Variants in GARIN5A observed in about 807,000 individuals in gnomAD.
GARIN5A encodes Golgi-associated RAB2 interactor protein 5A.
the GARIN5A span, chr19:50,476,486 C>T: frequency 1.0e-5 from 16 of 1,573,340 alleles, no homozygotes; most frequent in Non-Finnish European, 1.4e-5. Context: ...CTGTTCCTCC[C>T]GGCGTGCTCC....
the GARIN5A span, among the ~76,000 whole-genome samples, chr19:50,472,134 ATATGTATGTATACG>A: frequency 7.3e-6 from 1 of 137,144 alleles, no homozygotes; most frequent in African/African-American, 3.0e-5. Context: ...ATACGTGTGT[ATATGTATGTATACG>A]TGTGTATATG....
At chr19:50,475,934 C>G in the GARIN5A span, 1 of 1,612,994 alleles carries the variant, frequency 6.2e-7, no homozygotes, top group Non-Finnish European at 8.5e-7. Context: ...GTGGGAGAGG[C>G]TGCAACCAGG....
the GARIN5A span, chr19:50,476,669 T>C: frequency 6.7e-7 from 1 of 1,486,218 alleles, no homozygotes; most frequent in Non-Finnish European, 8.9e-7. Flanking sequence ...GTGAGTGCTC[T>C]TTAGCTGTGC....
At chr19:50,467,774 G>A in the GARIN5A span, 3 of 1,612,154 alleles carry the variant, frequency 1.9e-6, no homozygotes, top group Non-Finnish European at 2.5e-6. Flanking sequence ...TTGACCTCGA[G>A]CTGACACCGG....
chr19:50,470,198 C>T, the GARIN5A span, among the ~76,000 whole-genome samples: 1 of 152,280 alleles, frequency 6.6e-6, no homozygotes, highest in East Asian at 1.9e-4. Context: ...GACAGCAGAG[C>T]ACGTGCAATG....
At chr19:50,476,221 G>C in the GARIN5A span, 6 of 1,613,722 alleles carry the variant, frequency 3.7e-6, no homozygotes, top group Non-Finnish European at 5.1e-6. Flanking sequence ...CGTCCGACGG[G>C]AGCGGACGGA....
At chr19:50,467,409 CAGA>C in the GARIN5A span, 2 of 593,962 alleles carry the variant, frequency 3.4e-6, no homozygotes, top group Non-Finnish European at 2.9e-6. Context: ...CCTCCTCCCT[CAGA>C]CCCAGGAGTC....
At chr19:50,471,035 G>A in the GARIN5A span, among the ~76,000 whole-genome samples, 1 of 152,060 alleles carries the variant, frequency 6.6e-6, no homozygotes, top group South Asian at 2.1e-4. Flanking sequence ...CGTGATTACA[G>A]CTCACTGCAG....
the GARIN5A span, chr19:50,476,639 C>T: frequency 2.6e-6 from 4 of 1,543,914 alleles, no homozygotes; most frequent in South Asian, 4.7e-5. Flanking sequence ...GGCTGCCGGG[C>T]CGGGACTGGT....
chr19:50,473,660 T>C, the GARIN5A span, among the ~76,000 whole-genome samples: 1 of 151,280 alleles, frequency 6.6e-6, no homozygotes, highest in Non-Finnish European at 1.5e-5. Flanking sequence ...ATACCCGGCA[T>C]CTCTCTTTCA....
chr19:50,472,162 G>GTA, the GARIN5A span, among the ~76,000 whole-genome samples: 2 of 98,044 alleles, frequency 2.0e-5, no homozygotes, highest in African/African-American at 6.3e-5. Context: ...GTATATGTAT[G>GTA]TATACGTGTG....
At chr19:50,471,944 A>G in the GARIN5A span, among the ~76,000 whole-genome samples, 20 of 144,718 alleles carry the variant, frequency 1.4e-4, no homozygotes, top group East Asian at 4.9e-4. Context: ...GTGTGTAAGT[A>G]TATATACATG....
the GARIN5A span, chr19:50,476,761 A>T: frequency 2.7e-6 from 2 of 741,678 alleles, 1 homozygote; most frequent in Non-Finnish European, 4.1e-6. Flanking sequence ...CAGGGCTGAG[A>T]GGGAAGAGGT....
chr19:50,472,329 ATC>A, the GARIN5A span, among the ~76,000 whole-genome samples: 2 of 151,736 alleles, frequency 1.3e-5, no homozygotes, highest in South Asian at 2.1e-4. Context: ...GTATATATAT[ATC>A]TCTCTGTCAG....
chr19:50,472,946 G>A, the GARIN5A span, among the ~76,000 whole-genome samples: 1 of 152,146 alleles, frequency 6.6e-6, no homozygotes, highest in Non-Finnish European at 1.5e-5. Context: ...GCTTTGGGAG[G>A]CTGAGGTGGG....
chr19:50,466,949 C>G, the GARIN5A span: 1 of 152,504 alleles, frequency 6.6e-6, no homozygotes, highest in South Asian at 2.1e-4. The surrounding 1 kb of genome is among the most constrained non-coding windows in gnomAD (Gnocchi z 4.9). Flanking sequence ...GCTTCCACGC[C>G]TTGGGGCTGG....
the GARIN5A span, among the ~76,000 whole-genome samples, chr19:50,469,133 A>G: frequency 6.6e-6 from 1 of 152,128 alleles, no homozygotes; most frequent in Non-Finnish European, 1.5e-5. Flanking sequence ...AGACCTGCAG[A>G]GCCCCTTGCT....
At chr19:50,471,919 T>C in the GARIN5A span, among the ~76,000 whole-genome samples, 2 of 151,810 alleles carry the variant, frequency 1.3e-5, no homozygotes, top group Non-Finnish European at 2.9e-5. Flanking sequence ...TGTGTATATG[T>C]GTATATACAT....
the GARIN5A span, among the ~76,000 whole-genome samples, chr19:50,468,794 T>A: frequency 6.6e-6 from 1 of 152,078 alleles, no homozygotes; most frequent in African/African-American, 2.4e-5. Context: ...ATAGTAGAGA[T>A]GGGGTTTCAC....
Sources: gnomAD v4.1 joint callset for allele counts (sites outside exome capture counted in the v4.1 genomes callset) on GRCh38, gnomAD v4.1.1 for gene constraint, Gnocchi (gnomAD v3.1) non-coding constraint, MANE v1.5 for transcripts, NCBI Gene and HGNC (gene_info 2026-07-23, HGNC 2026-07-21) for gene names.